The following GRAMD1A variants were observed in gnomAD, a reference collection of about 807,000 sequenced individuals.
GRAMD1A encodes the protein GRAM domain containing 1A.
GRAMD1A carries 50 observed loss-of-function variants against 92.0 expected under a neutral mutation model. That is an observed-to-expected ratio of 0.54 (90% CI 0.43 to 0.69). The LOEUF (loss-of-function observed/expected upper bound fraction) is 0.69. Among genes scored for constraint, GRAMD1A ranks in the 30% least tolerant of loss-of-function variants. GRAMD1A has a pLI of 0.00. For missense variants in GRAMD1A, 819 were observed against 978.9 expected (o/e 0.84, Z 2.18); for synonymous variants, 405 against 403.6 (o/e 1.00, Z -0.04).
At chr19:35,016,182 G>A (rs1324992799) in intron 11 of GRAMD1A, among the ~76,000 whole-genome samples, 1 of 152,220 alleles carries the variant, frequency 6.6e-6, no homozygotes, top group East Asian at 1.9e-4. Flanking sequence ...TTCTCCTTCT[G>A]TATAATGGGG....
chr19:35,011,828 G>A (rs1470442703), intron 7 of GRAMD1A, among the ~76,000 whole-genome samples: 1 of 152,238 alleles, frequency 6.6e-6, no homozygotes, highest in Non-Finnish European at 1.5e-5. Flanking sequence ...CAGCGGGGGA[G>A]TGTGGATAGA....
intron 1 of GRAMD1A, among the ~76,000 whole-genome samples, chr19:35,008,318 G>A (rs2014971492): frequency 6.6e-6 from 1 of 152,118 alleles, no homozygotes; most frequent in Non-Finnish European, 1.5e-5. Flanking sequence ...GACAGAGTGA[G>A]AGATTCCGTC....
intron 7 of GRAMD1A, 129 bp downstream of exon 7, chr19:35,011,683 G>A (rs1342572773): frequency 3.0e-6 from 2 of 668,868 alleles, no homozygotes; most frequent in Non-Finnish European, 2.6e-6. Context: ...CAGTGCCCCT[G>A]CAGCTCCTCC....
Position 35,026,338 on chromosome 19 carries a change from C to T in GRAMD1A, c.*197C>T. On this transcript the variant is annotated 3_prime_UTR_variant, in exon 20 of 20. Coordinates refer to ENST00000317991, the MANE Select transcript of GRAMD1A (RefSeq NM_020895.5). ...GGGAGCTGGCCCGGCCTCTGGCAGG[C>T]CCCCCACTAACTTATTTTGCCCGGC... is the stretch of plus-strand genomic sequence containing the variant. The T allele has an allele frequency of 3.4e-6, 2 of 587,026 alleles. No homozygotes were observed. The highest frequency in any genetic ancestry group is 3.7e-5 in the African/African-American group (2 of 53,780). The allele number at this position is 587,026 out of a possible 1,614,324, so 36.4% of individuals were successfully genotyped here.
chr19:35,022,851 G>A (rs1462298386), intron 16 of GRAMD1A, 49 bp from the exon 17 acceptor site: 1 of 1,587,814 alleles, frequency 6.3e-7, no homozygotes, highest in Non-Finnish European at 8.6e-7. Flanking sequence ...GTCGGGGGCA[G>A]GCCAGGCGGC....
intron 1 of GRAMD1A, among the ~76,000 whole-genome samples, chr19:35,008,523 C>CA (rs1448377032): frequency 6.6e-6 from 1 of 150,784 alleles, no homozygotes. Flanking sequence ...GACCCCGTCT[C>CA]AAAAAAAATT....
chr19:35,014,677 C>T (rs2151721349), intron 10 of GRAMD1A: 1 of 484,368 alleles, frequency 2.1e-6, no homozygotes, highest in East Asian at 3.9e-5. Context: ...TGCTTTCCTC[C>T]TCTGAAAATG....
At chr19:35,018,430 G>A (rs2015798231) in intron 11 of GRAMD1A, among the ~76,000 whole-genome samples, 2 of 152,262 alleles carry the variant, frequency 1.3e-5, no homozygotes, top group South Asian at 4.2e-4. Context: ...CAAACCATGA[G>A]GGATCCGCCC....
chr19:34,999,363 G>C (rs8105140), upstream of GRAMD1A: 14,502 of 152,880 alleles, frequency 0.095, 742 homozygotes, highest in East Asian at 0.14. Context: ...GGGTTGGGAA[G>C]GGAGTTTTTT....
At chr19:35,019,828 A>G (rs1458008908) in intron 13 of GRAMD1A, among the ~76,000 whole-genome samples, 2 of 152,206 alleles carry the variant, frequency 1.3e-5, no homozygotes, top group African/African-American at 4.8e-5. Flanking sequence ...CAATAGAGAA[A>G]TGATCAGGAA....
At chr19:35,014,410 A>G (rs772573493) in intron 10 of GRAMD1A, 23 bp downstream of exon 10, 1 of 1,598,596 alleles carries the variant, frequency 6.3e-7, no homozygotes, top group South Asian at 1.1e-5. Context: ...GGCCCAATTC[A>G]TTCGCCTCCG....
At chr19:35,004,811 G>T (rs373838843) in intron 1 of GRAMD1A, among the ~76,000 whole-genome samples, 1 of 152,168 alleles carries the variant, frequency 6.6e-6, no homozygotes, top group Non-Finnish European at 1.5e-5. Context: ...GGAAAGCAGC[G>T]TAGTTAAACC....
Position 35,013,732 on chromosome 19 carries a change from A to AT in GRAMD1A, c.870+41_870+42insT. ...GAAGAGGGGTGGGATACTGATAGGA[A>AT]GAGAGAGGAGGGCTGGGGGTGCAGT... On this transcript the variant is annotated intron_variant, in intron 9 of 19. Coordinates refer to ENST00000317991, the MANE Select transcript of GRAMD1A (RefSeq NM_020895.5). The surrounding 1 kb of genome is among the most constrained non-coding windows in gnomAD (Gnocchi z 4.9). 6.4e-7 allele frequency: 1 copy of AT among 1,560,060 alleles called. No homozygotes were observed. The highest frequency in any genetic ancestry group is 1.2e-5 in the South Asian group (1 of 85,706).
intron 1 of GRAMD1A, among the ~76,000 whole-genome samples, chr19:35,003,061 G>GGGGTGTGTGT (rs148550515): frequency 7.0e-6 from 1 of 142,232 alleles, no homozygotes; most frequent in Non-Finnish European, 1.5e-5. Flanking sequence ...CAATGCTGCA[G>GGGGTGTGTGT]GTGTGTGTGT....
At chr19:35,020,658 CAAAAA>C (rs56181450) in intron 13 of GRAMD1A, among the ~76,000 whole-genome samples, 36,472 of 112,028 alleles carry the variant, frequency 0.33, 5,122 homozygotes, top group Middle Eastern at 0.47. Context: ...GACCCTGTCT[CAAAAA>C]AAAAAAAAAA....
Position 35,019,386 on chromosome 19 carries a change from T to C in GRAMD1A, c.1333-5T>C, listed in dbSNP as rs1464675525. 1 of 1,613,718 alleles carries C rather than the reference T, an allele frequency of 6.2e-7. No individual in the cohort carries two copies. Among genetic ancestry groups the C allele is most frequent in the Non-Finnish European group, 8.5e-7 (1 of 1,179,906 alleles). On this transcript the variant is annotated splice_region_variant and splice_polypyrimidine_tract_variant and intron_variant, in intron 12 of 19. Transcript: ENST00000317991. ...GCCCTGACTTCTCCGGCTCTGTCCC[T>C]GCAGACGCTGTTCCGGCGCGGCCCC...
At chr19:35,003,792 C>T (rs1231897038) in intron 1 of GRAMD1A, among the ~76,000 whole-genome samples, 2 of 152,232 alleles carry the variant, frequency 1.3e-5, no homozygotes, top group Non-Finnish European at 2.9e-5. Flanking sequence ...CCACCTCACT[C>T]ACACTCAGAC....
At chr19:35,023,177 T>C (rs1388412840) in intron 17 of GRAMD1A, 59 bp from the exon 18 acceptor site, 4 of 1,191,328 alleles carry the variant, frequency 3.4e-6, no homozygotes, top group Non-Finnish European at 5.0e-6. Context: ...ATGTAGTTGT[T>C]TGGGGGTGTT....
At chr19:35,025,518 A>G (rs73038402) in intron 19 of GRAMD1A, among the ~76,000 whole-genome samples, 18,173 of 152,208 alleles carry the variant, frequency 0.12, 1,376 homozygotes, top group Middle Eastern at 0.24. Context: ...TGCTGAGATT[A>G]CACGCATGAG....
Sources: allele counts gnomAD v4.1 joint callset (sites outside exome capture counted in the v4.1 genomes callset), GRCh38; gene constraint gnomAD v4.1.1; non-coding constraint Gnocchi (gnomAD v3.1); transcripts MANE v1.5; gene names NCBI Gene and HGNC (gene_info 2026-07-23, HGNC 2026-07-21).